The following SEMA5A variants were observed in gnomAD, a reference collection of about 807,000 sequenced individuals.
The protein encoded by SEMA5A is semaphorin 5A, also known as semaphorin-5A.
A neutral mutation model predicts 135.5 loss-of-function variants in SEMA5A; 55 were observed. The observed-to-expected ratio is 0.41, with a 90% CI of 0.33 to 0.51. The LOEUF is 0.51. SEMA5A is among the 20% of genes least tolerant of loss of function. The pLI, the probability that SEMA5A is intolerant of heterozygous loss-of-function variation, is 0.37. For missense variants in SEMA5A, 1,290 were observed against 1,419.9 expected (o/e 0.91, Z 1.47); for synonymous variants, 580 against 546.5 (o/e 1.06, Z -0.85).
chr5:9,332,901 T>C (rs578173917), intron 4 of SEMA5A, among the ~76,000 whole-genome samples: 4 of 152,232 alleles, frequency 2.6e-5, no homozygotes, highest in Non-Finnish European at 4.4e-5. Context: ...TGGGCCTCAA[T>C]CCCACCACCT....
intron 1 of SEMA5A, among the ~76,000 whole-genome samples, chr5:9,514,962 A>G (rs1157264210): frequency 2.0e-5 from 3 of 152,216 alleles, no homozygotes; most frequent in Non-Finnish European, 2.9e-5. Flanking sequence ...CGTTCTGTCA[A>G]CAGAGAATAC....
intron 2 of SEMA5A, among the ~76,000 whole-genome samples, chr5:9,421,890 T>G (rs1757482989): frequency 6.6e-6 from 1 of 152,222 alleles, no homozygotes; most frequent in African/African-American, 2.4e-5. Flanking sequence ...GAGCTCTTTG[T>G]ATATTAGAAA....
At chr5:9,147,152 G>C (rs1742382046) in intron 12 of SEMA5A, among the ~76,000 whole-genome samples, 1 of 152,120 alleles carries the variant, frequency 6.6e-6, no homozygotes, top group Non-Finnish European at 1.5e-5. Context: ...TAAACATCCT[G>C]TAGTAATCTA....
intron 3 of SEMA5A, among the ~76,000 whole-genome samples, chr5:9,353,189 GGGAAAGGAAAGGAAAGGAAA>G (rs1204266521): frequency 6.0e-5 from 1 of 16,730 alleles, no homozygotes; most frequent in Middle Eastern, 0.05. Context: ...AGGAAGGGAA[GGGAAAGGAAAGGAAAGGAAA>G]GGAAAGGAAA....
chr5:9,341,911 T>C (rs1045163472), intron 3 of SEMA5A, among the ~76,000 whole-genome samples: 1 of 151,764 alleles, frequency 6.6e-6, no homozygotes, highest in Non-Finnish European at 1.5e-5. Context: ...ATGTGATTGG[T>C]GTATAAAATA....
rs1295578183 is a variant in SEMA5A, at chr5:9,234,040, AC to A, written c.333+3787del. ...ACTTTGTAATTCTGTTCTCATAAGA[AC>A]TTCAGCACAAGCAAAACTACAAAAC... is the stretch of plus-strand genomic sequence containing the variant. On this transcript the variant is annotated intron_variant, in intron 6 of 22. Transcript: ENST00000382496. Among the ~76,000 whole-genome samples the A allele has an allele frequency of 1.4e-4, 21 of 152,340 alleles. 1 individual carries two copies. Among genetic ancestry groups the A allele is most frequent in the Admixed American group, 3.3e-4 (5 of 15,304 alleles).
At chr5:9,340,071 A>G (rs1753576025) in intron 3 of SEMA5A, among the ~76,000 whole-genome samples, 2 of 152,248 alleles carry the variant, frequency 1.3e-5, no homozygotes, top group African/African-American at 4.8e-5. Flanking sequence ...AGAGAAAGAT[A>G]GTAAATTCAG....
intron 1 of SEMA5A, among the ~76,000 whole-genome samples, chr5:9,496,602 A>G (rs1735313951): frequency 6.6e-6 from 1 of 152,188 alleles, no homozygotes; most frequent in African/African-American, 2.4e-5. Flanking sequence ...AGATCAGAAA[A>G]TATGTCTAAT....
intron 15 of SEMA5A, among the ~76,000 whole-genome samples, chr5:9,118,618 C>T (rs1287101086): frequency 6.6e-6 from 1 of 152,110 alleles, no homozygotes; most frequent in Non-Finnish European, 1.5e-5. Context: ...CATCCGGGAC[C>T]TTCTTAGGTC....
chr5:9,432,721 G>A (rs548327419), intron 2 of SEMA5A, among the ~76,000 whole-genome samples: 3 of 152,228 alleles, frequency 2.0e-5, no homozygotes, highest in South Asian at 4.1e-4. Context: ...TTTTACATCA[G>A]TGCTCGAGAC....
At chr5:9,529,571 G>C (rs1258927512) in intron 1 of SEMA5A, among the ~76,000 whole-genome samples, 1 of 152,172 alleles carries the variant, frequency 6.6e-6, no homozygotes, top group Non-Finnish European at 1.5e-5. Flanking sequence ...GAATATTTCA[G>C]ACATTGACCT....
At chr5:9,387,844 A>C (rs561228575) in intron 2 of SEMA5A, among the ~76,000 whole-genome samples, 2 of 152,262 alleles carry the variant, frequency 1.3e-5, no homozygotes, top group Non-Finnish European at 2.9e-5. Flanking sequence ...TATTACATTG[A>C]GCCCATAAGG....
At chr5:9,420,687 C>T (rs1031155121) in intron 2 of SEMA5A, among the ~76,000 whole-genome samples, 3 of 152,132 alleles carry the variant, frequency 2.0e-5, no homozygotes, top group African/African-American at 4.8e-5. Context: ...TACTTGTCAC[C>T]AGGCCTCTGC....
chr5:9,203,455 A>G (rs1343160646), intron 8 of SEMA5A, among the ~76,000 whole-genome samples: 1 of 152,208 alleles, frequency 6.6e-6, no homozygotes, highest in Non-Finnish European at 1.5e-5. Flanking sequence ...GCTGCAAGAT[A>G]AGCCATTAAT....
intron 3 of SEMA5A, among the ~76,000 whole-genome samples, chr5:9,372,089 G>C (rs897268025): frequency 6.6e-6 from 1 of 152,200 alleles, no homozygotes; most frequent in Non-Finnish European, 1.5e-5. Context: ...TCTGAGACTA[G>C]ATGAACAGAG....
At chr5:9,303,489 A>T (rs147662155) in intron 5 of SEMA5A, among the ~76,000 whole-genome samples, 339 of 152,258 alleles carry the variant, frequency 2.2e-3, no homozygotes, top group African/African-American at 7.6e-3. Flanking sequence ...TTCCCAAAAG[A>T]TACCATTAAT....
rs191134897 is a variant in SEMA5A at position 9,321,938 on chromosome 5, C to T, written c.225-3521G>A. Among the ~76,000 whole-genome samples, 205 of 152,246 alleles carry T rather than the reference C, an allele frequency of 1.3e-3. 2 individuals carry two copies. The highest frequency in any genetic ancestry group is 1.1e-3 in the Non-Finnish European group (77 of 68,024). On this transcript the variant is annotated intron_variant, in intron 4 of 22. Transcript: ENST00000382496. ...GAAGCTTTCATACACAAAGGAAGAG[C>T]TGGAAGTGCATCAGGGCCTTGAGAA...
rs970940767 is a variant in SEMA5A at position 9,368,161 on chromosome 5, A to G, written c.124+11662T>C. Among the ~76,000 whole-genome samples the G allele has an allele frequency of 5.3e-5, 8 of 152,368 alleles. No individual in the cohort carries two copies. The South Asian group carries it at 1.2e-3, about 24-fold the overall frequency. On this transcript the variant is annotated intron_variant, in intron 3 of 22. Transcript: ENST00000382496. ...TGGATTTCAAGTAATTTGCTGAAACATGTACACACACATACACACACCTAG... is the reference window on the plus strand; with the variant it reads ...TGGATTTCAAGTAATTTGCTGAAACGTGTACACACACATACACACACCTAG...
At chr5:9,299,914 G>T (rs749979035) in intron 5 of SEMA5A, among the ~76,000 whole-genome samples, 1 of 152,126 alleles carries the variant, frequency 6.6e-6, no homozygotes, top group Non-Finnish European at 1.5e-5. Context: ...CAGTGGCCCT[G>T]CTCTAATGAG....
Sources: allele counts gnomAD v4.1 joint callset (sites outside exome capture counted in the v4.1 genomes callset), GRCh38; gene constraint gnomAD v4.1.1; transcripts MANE v1.5; gene names NCBI Gene and HGNC (gene_info 2026-07-23, HGNC 2026-07-21).